DOCK9: variants seen among roughly 807,000 people sequenced by gnomAD.
DOCK9 encodes the protein dedicator of cytokinesis 9.
A neutral mutation model predicts 263.3 loss-of-function variants in DOCK9; 89 were observed. The observed-to-expected ratio is 0.34, with a 90% CI of 0.28 to 0.40. DOCK9 has a LOEUF of 0.40. Ranked by LOEUF, DOCK9 falls within the 10% of genes least tolerant of loss-of-function variation. The pLI, the probability that DOCK9 is intolerant of heterozygous loss-of-function variation, is 1.00. For missense variants in DOCK9, 2,140 were observed against 2,603.4 expected, an observed-to-expected ratio of 0.82 and a Z score of 3.87; for synonymous variants, 976 against 973.1, an observed-to-expected ratio of 1.00 and a Z score of -0.06.
chr13:98,892,167 G>A (rs902977603), intron 15 of DOCK9, among the ~76,000 whole-genome samples: 1 of 152,144 alleles, frequency 6.6e-6, no homozygotes, highest in African/African-American at 2.4e-5. Flanking sequence ...TCTGGGAACT[G>A]CTCCTGTCTC....
At chr13:99,060,028 C>T (rs966714429) in intron 1 of DOCK9, among the ~76,000 whole-genome samples, 3 of 144,122 alleles carry the variant, frequency 2.1e-5, no homozygotes, top group Admixed American at 6.9e-5. Flanking sequence ...GGTGGATATA[C>T]TACACATCAG....
At chr13:98,998,301 G>T (rs1235577036) in intron 1 of DOCK9, among the ~76,000 whole-genome samples, 1 of 152,098 alleles carries the variant, frequency 6.6e-6, no homozygotes, top group African/African-American at 2.4e-5. Context: ...CTGAAGGTAG[G>T]ACCCACCCTA....
Position 98,886,598 on chromosome 13 carries a change from T to C in DOCK9, c.2070A>G (p.Pro690=). ...LKCIYGRPGG[P]VFTRSAFAAV... ...CAGCAAAGGCGCTTCTTGTGAAAAC[T>C]GGCCCACCAGGTCTGCCATAAATGC... Residue 690 remains proline, a synonymous_variant, in exon 19 of 53, where the codon CCA becomes CCG. Transcript: ENST00000682017. 1 of 1,613,926 alleles carries C rather than the reference T, an allele frequency of 6.2e-7. No individual in the cohort carries two copies. Among genetic ancestry groups the C allele is most frequent in the Non-Finnish European group, 8.5e-7 (1 of 1,179,810 alleles).
chr13:98,939,183 A>C (rs1362377192), intron 2 of DOCK9, among the ~76,000 whole-genome samples: 1 of 152,248 alleles, frequency 6.6e-6, no homozygotes, highest in Non-Finnish European at 1.5e-5. Flanking sequence ...GCTTCTCTTC[A>C]GGAGGAAACT....
At chr13:98,943,942 C>G (rs2056340290) in intron 2 of DOCK9, among the ~76,000 whole-genome samples, 1 of 152,158 alleles carries the variant, frequency 6.6e-6, no homozygotes, top group Non-Finnish European at 1.5e-5. Flanking sequence ...TAGTTCAAAT[C>G]TTCCTCTATC....
At chr13:98,798,039 A>C (rs2089649502) in intron 50 of DOCK9, among the ~76,000 whole-genome samples, 1 of 152,150 alleles carries the variant, frequency 6.6e-6, no homozygotes, top group South Asian at 2.1e-4. Flanking sequence ...TGTGCTGGAG[A>C]GCTAGATGTT....
At chr13:98,918,971 G>A (rs1440411471) in intron 7 of DOCK9, among the ~76,000 whole-genome samples, 1 of 152,106 alleles carries the variant, frequency 6.6e-6, no homozygotes, top group Non-Finnish European at 1.5e-5. Context: ...AGGAAATCAT[G>A]CAATGACGTC....
Position 98,902,286 on chromosome 13 carries a change from A to T in DOCK9, c.1380+2T>A, listed in dbSNP as rs774010580. On this transcript the variant is annotated splice_donor_variant, in intron 12 of 52. Transcript: ENST00000682017. LOFTEE classifies it high-confidence loss of function. The stretch of plus-strand genomic sequence containing the variant: ...TGGGAATGCTGGGCTCATACTCCCC[A>T]CCTGCTTCGGATACTGCATGGCGGC... 1 of 1,613,252 alleles carries T rather than the reference A, an allele frequency of 6.2e-7. No individual in the cohort carries two copies. Among genetic ancestry groups the T allele is most frequent in the Admixed American group, 1.7e-5 (1 of 60,018 alleles).
At chr13:98,894,873 C>T (rs1595066163) in intron 15 of DOCK9, among the ~76,000 whole-genome samples, 1 of 141,726 alleles carries the variant, frequency 7.1e-6, no homozygotes, top group African/African-American at 2.6e-5. Context: ...CTTTGGGAAG[C>T]TGAGGCGGGC....
chr13:99,036,968 G>A (rs1193735920), intron 1 of DOCK9, among the ~76,000 whole-genome samples: 3 of 152,174 alleles, frequency 2.0e-5, no homozygotes, highest in African/African-American at 7.2e-5. Context: ...TATAGGCTCT[G>A]CAAATATAAT....
At chr13:98,960,577 C>T (rs1025728843) in intron 1 of DOCK9, among the ~76,000 whole-genome samples, 2 of 152,148 alleles carry the variant, frequency 1.3e-5, no homozygotes, top group African/African-American at 4.8e-5. Context: ...AACGGTGGTT[C>T]TGAAAGTGAT....
intron 1 of DOCK9, among the ~76,000 whole-genome samples, chr13:99,049,998 T>TA (rs1439610478): frequency 6.6e-6 from 1 of 152,204 alleles, no homozygotes; most frequent in Non-Finnish European, 1.5e-5. Flanking sequence ...GCTATAGATT[T>TA]AAAAAATTGA....
At position 98,888,424 on chromosome 13, in the gene DOCK9, T is replaced by C; in HGVS notation, c.1913A>G (p.Tyr638Cys). 6.2e-7 allele frequency: 1 copy of C among 1,614,024 alleles called. No individual in the cohort carries two copies. The highest frequency in any genetic ancestry group is 8.5e-7 in the Non-Finnish European group (1 of 1,179,872). ...AGGATAAACGTAAAGGTGATTGGTG[T>C]AGATGGTGTAAGGCTGAGTGTGTTT... ...IPKHTQPYTIYTNHLYVYPKY... is the reference protein window; with the variant it reads ...IPKHTQPYTICTNHLYVYPKY... The change falls in exon 17 of 53, where the codon TAC becomes TGC. Residue 638 changes from tyrosine (Y) to cysteine (C), a missense_variant. By Grantham distance (194) the Tyr-to-Cys change is radical. Transcript: ENST00000682017.
intron 1 of DOCK9, among the ~76,000 whole-genome samples, chr13:99,024,037 A>G (rs1352275396): frequency 3.3e-5 from 5 of 152,232 alleles, no homozygotes; most frequent in Admixed American, 3.3e-4. Flanking sequence ...TGGCAACTTA[A>G]ATTACTGTTA....
intron 1 of DOCK9, among the ~76,000 whole-genome samples, chr13:98,970,817 A>G (rs958968190): frequency 9.2e-5 from 14 of 152,132 alleles, no homozygotes; most frequent in African/African-American, 3.4e-4. Context: ...GTCATATGCT[A>G]TCTGTAGGCT....
intron 1 of DOCK9, among the ~76,000 whole-genome samples, chr13:98,957,907 T>A (rs2058235435): frequency 6.6e-6 from 1 of 151,908 alleles, no homozygotes; most frequent in Non-Finnish European, 1.5e-5. Flanking sequence ...AGGGAGACTC[T>A]TTCATGACAG....
chr13:98,969,620 A>G (rs2059537163), intron 1 of DOCK9, among the ~76,000 whole-genome samples: 1 of 152,348 alleles, frequency 6.6e-6, no homozygotes, highest in Non-Finnish European at 1.5e-5. Context: ...AAGCTGGAAC[A>G]ACGACGCCAT....
chr13:98,878,169 C>A (rs571279096), intron 27 of DOCK9, among the ~76,000 whole-genome samples: 1 of 152,174 alleles, frequency 6.6e-6, no homozygotes, highest in Non-Finnish European at 1.5e-5. Context: ...TCAGAAGAAA[C>A]CAGCCATGTG....
At chr13:98,822,952 T>C (rs1286580768) in intron 45 of DOCK9, among the ~76,000 whole-genome samples, 3 of 152,112 alleles carry the variant, frequency 2.0e-5, no homozygotes, top group South Asian at 2.1e-4. Context: ...GACCCCTTCG[T>C]AGATTTTAAG....
Sources: allele counts gnomAD v4.1 joint callset (sites outside exome capture counted in the v4.1 genomes callset), GRCh38; gene constraint gnomAD v4.1.1; transcripts MANE v1.5; gene names NCBI Gene and HGNC (gene_info 2026-07-23, HGNC 2026-07-21).